The following ZFP64 variants were observed in gnomAD, a reference collection of about 807,000 sequenced individuals.
The protein encoded by ZFP64 is ZFP64 zinc finger protein.
Under a neutral mutation model 51.6 loss-of-function variants are expected in ZFP64, and 14 were observed. The ratio of observed to expected loss-of-function variants is 0.27; its 90% CI spans 0.18 to 0.42. The LOEUF is 0.42. Ranked by LOEUF, ZFP64 falls within the 10% of genes least tolerant of loss-of-function variation. The pLI is 1.00. For missense variants in ZFP64, 754 were observed against 906.8 expected, an observed-to-expected ratio of 0.83 and a Z score of 2.16; for synonymous variants, 375 against 361.4, an observed-to-expected ratio of 1.04 and a Z score of -0.43.
chr20:52,175,843 T>TACCC, intron 2 of ZFP64: 2 of 177,392 alleles, frequency 1.1e-5, no homozygotes, highest in Non-Finnish European at 2.2e-5. Flanking sequence ...TCCGTTCCCT[T>TACCC]CCCCCCGCAC....
At position 52,160,538 on chromosome 20, in the gene ZFP64, A is replaced by G. The variant is rs1309496334; in HGVS notation, c.512-164T>C. The stretch of plus-strand genomic sequence containing the variant: ...ATTGGCAAAGAGCTAACATCTTGGG[A>G]GAGGGGAAGTTTCTTCCATGTTCCT... On this transcript the variant is annotated intron_variant, in intron 4 of 5. Transcript: ENST00000216923. This position sits in a 1 kb window ranked among gnomAD's most constrained non-coding sequence, Gnocchi z 4.2. Among the ~76,000 whole-genome samples, 1 of 152,200 alleles carries G rather than the reference A, an allele frequency of 6.6e-6. No individual in the cohort carries two copies. Among genetic ancestry groups the G allele is most frequent in the Non-Finnish European group, 1.5e-5 (1 of 68,026 alleles).
intron 2 of ZFP64, among the ~76,000 whole-genome samples, chr20:52,168,887 G>C (rs922042315): frequency 1.3e-5 from 2 of 152,168 alleles, no homozygotes; most frequent in Non-Finnish European, 2.9e-5. Flanking sequence ...ATGCAGCTGA[G>C]GTAAGAAAAA....
chr20:52,158,339 T>TTAA lies in ZFP64; in HGVS notation c.763+1781_763+1783dup, dbSNP rs1981492144. Among the ~76,000 whole-genome samples the TTAA allele has an allele frequency of 4.6e-5, 7 of 152,286 alleles. No homozygotes were observed. In the South Asian group the frequency reaches 1.5e-3, roughly 32 times the overall value. On this transcript the variant is annotated intron_variant, in intron 5 of 5. Coordinates refer to ENST00000216923, the MANE Select transcript of ZFP64 (RefSeq NM_018197.3). Reference sequence around the variant, plus strand: ...TGATCCTATGATTGGATGAGACTTGTTAATGCATTTTGCCTGTCAGAGAGA... The same window carrying TTAA: ...TGATCCTATGATTGGATGAGACTTGTTAATAATGCATTTTGCCTGTCAGAGAGA...
At chr20:52,099,239 A>T (rs1436321544) in intron 5 of ZFP64, among the ~76,000 whole-genome samples, 2 of 152,174 alleles carry the variant, frequency 1.3e-5, no homozygotes, top group Non-Finnish European at 2.9e-5. Flanking sequence ...ATAAACAAGA[A>T]TTAGGGGAGA....
intron 5 of ZFP64, among the ~76,000 whole-genome samples, chr20:52,128,176 C>T (rs781695794): frequency 1.2e-4 from 18 of 152,204 alleles, no homozygotes; most frequent in African/African-American, 3.9e-4. Flanking sequence ...TGGTGGCTCA[C>T]GCCTCTAATC....
At chr20:52,151,161 G>A (rs556381539), downstream of ZFP64, 1 of 835,054 alleles carries the variant, frequency 1.2e-6, no homozygotes, top group African/African-American at 1.8e-5. Flanking sequence ...TAAGATGATT[G>A]TGTGACGTTT....
At chr20:52,140,271 C>T (rs1980193557) in intron 5 of ZFP64, among the ~76,000 whole-genome samples, 1 of 152,154 alleles carries the variant, frequency 6.6e-6, no homozygotes, top group African/African-American at 2.4e-5. Context: ...ACGTCTCTCA[C>T]TTTAAATCAA....
chr20:52,090,761 T>C (rs2078915793), intron 7 of ZFP64, among the ~76,000 whole-genome samples: 1 of 150,076 alleles, frequency 6.7e-6, no homozygotes, highest in African/African-American at 2.5e-5. Flanking sequence ...ATCGTGCCAC[T>C]GCACTCCAAC....
downstream of ZFP64, among the ~76,000 whole-genome samples, chr20:52,148,517 A>G (rs1980632217): frequency 6.6e-6 from 1 of 152,232 alleles, no homozygotes; most frequent in Admixed American, 6.5e-5. Context: ...CATGGCCAAC[A>G]TGGCGAAATC....
At chr20:52,162,985 T>C (rs1209030704) in intron 4 of ZFP64, among the ~76,000 whole-genome samples, 1 of 152,202 alleles carries the variant, frequency 6.6e-6, no homozygotes, top group African/African-American at 2.4e-5. Flanking sequence ...CTGTAGAAGA[T>C]ATTTTCTGCG....
At chr20:52,108,955 C>T (rs932733694) in intron 5 of ZFP64, among the ~76,000 whole-genome samples, 5 of 151,590 alleles carry the variant, frequency 3.3e-5, no homozygotes, top group African/African-American at 7.3e-5. Context: ...ATTGGCCATG[C>T]GTAATCAGTC....
chr20:52,167,140 C>A (rs1982341516), intron 2 of ZFP64, among the ~76,000 whole-genome samples: 1 of 151,944 alleles, frequency 6.6e-6, no homozygotes, highest in African/African-American at 2.4e-5. Context: ...GCCTGGTCAA[C>A]ATGGTGAAAC....
At chr20:52,184,545 C>T (rs995470333) in intron 2 of ZFP64, among the ~76,000 whole-genome samples, 1 of 152,216 alleles carries the variant, frequency 6.6e-6, no homozygotes, top group African/African-American at 2.4e-5. Context: ...TCTGTGACTA[C>T]ACACAGATCC....
At chr20:52,128,814 G>T (rs1979568600) in intron 5 of ZFP64, among the ~76,000 whole-genome samples, 1 of 152,140 alleles carries the variant, frequency 6.6e-6, no homozygotes, top group African/African-American at 2.4e-5. Context: ...TAAACTACAC[G>T]ATCGTCTTAT....
chr20:52,177,141 C>G (rs1172448658), intron 2 of ZFP64, among the ~76,000 whole-genome samples: 1 of 149,482 alleles, frequency 6.7e-6, no homozygotes, highest in East Asian at 2.1e-4. Context: ...ATCCCTTCAA[C>G]CCCTTCTGGT....
chr20:52,105,140 CCCG>C, intron 5 of ZFP64: 1 of 1,432,576 alleles, frequency 7.0e-7, no homozygotes, highest in Admixed American at 3.0e-5. Flanking sequence ...ACCCGGCTCC[CCCG>C]CCACCTGCGG....
rs1484458745 is a variant in ZFP64, at chr20:52,143,676, C to G, written c.763+16447G>C. Among the ~76,000 whole-genome samples, 2 of 133,824 alleles carry G rather than the reference C, an allele frequency of 1.5e-5. 1 individual carries two copies. Among genetic ancestry groups the G allele is most frequent in the East Asian group, 5.1e-4 (2 of 3,938 alleles). 87.8% of individuals were successfully genotyped at this position (133,824 alleles called of 152,430 possible). A position where few individuals can be genotyped will look rare whatever the true frequency, so the allele number is the denominator to read the frequency against. On this transcript the variant is annotated intron_variant, in intron 5 of 8. Coordinates refer to the ZFP64 transcript ENST00000361387. ...TCAGCCTCTAGAGTAGTTGGGGCTACAGGTGCACACCACCACACCCGGCCA... is the reference window on the plus strand; with the variant it reads ...TCAGCCTCTAGAGTAGTTGGGGCTAGAGGTGCACACCACCACACCCGGCCA...
At chr20:52,158,105 T>TG (rs1002870062) in intron 5 of ZFP64, among the ~76,000 whole-genome samples, 30 of 152,234 alleles carry the variant, frequency 2.0e-4, no homozygotes, top group African/African-American at 7.2e-4. Flanking sequence ...GTCTTTGCTA[T>TG]TGTGAATACT....
intron 6 of ZFP64, among the ~76,000 whole-genome samples, chr20:52,098,221 G>A (rs745753931): frequency 1.3e-5 from 2 of 150,244 alleles, no homozygotes; most frequent in Non-Finnish European, 3.0e-5. Flanking sequence ...CAGGGTGGAA[G>A]CTACTATGAA....
Sources: gnomAD v4.1 joint callset for allele counts (sites outside exome capture counted in the v4.1 genomes callset) on GRCh38, gnomAD v4.1.1 for gene constraint, Gnocchi (gnomAD v3.1) non-coding constraint, MANE v1.5 for transcripts, NCBI Gene and HGNC (gene_info 2026-07-23, HGNC 2026-07-21) for gene names.